The following CREB5 variants were observed in gnomAD, a reference collection of about 807,000 sequenced individuals.
CREB5 encodes cyclic AMP-responsive element-binding protein 5.
Under a neutral mutation model 57.1 loss-of-function variants are expected in CREB5, and 19 were observed. The observed-to-expected ratio is 0.33, with a 90% CI of 0.23 to 0.49. CREB5 has a LOEUF of 0.49. Ranked by LOEUF, CREB5 falls within the 20% of genes least tolerant of loss-of-function variation. The pLI, the probability that CREB5 is intolerant of heterozygous loss-of-function variation, is 0.99. For synonymous variants in CREB5, 238 were observed against 238.3 expected (o/e 1.00, Z 0.01); for missense variants, 579 against 671.6 (o/e 0.86, Z 1.52).
chr7:28,553,947 T>A (rs1794767499), intron 4 of CREB5, among the ~76,000 whole-genome samples: 1 of 152,162 alleles, frequency 6.6e-6, no homozygotes. Flanking sequence ...TTCCTTTCCC[T>A]TCACTCCAGT....
At chr7:28,657,835 G>A (rs928757755) in intron 5 of CREB5, among the ~76,000 whole-genome samples, 1 of 151,640 alleles carries the variant, frequency 6.6e-6, no homozygotes, top group African/African-American at 2.4e-5. Flanking sequence ...TTAGATATAT[G>A]TTGGCATGGC....
chr7:28,412,322 A>AT (rs11446167), upstream of CREB5, among the ~76,000 whole-genome samples: 6,477 of 151,086 alleles, frequency 0.043, 295 homozygotes, highest in African/African-American at 0.11. Flanking sequence ...CAGTAGCGAT[A>AT]TTTTTTTTTA....
At chr7:28,616,989 T>A (rs1336652793) in intron 5 of CREB5, among the ~76,000 whole-genome samples, 7 of 152,214 alleles carry the variant, frequency 4.6e-5, no homozygotes, top group Non-Finnish European at 2.9e-5. Context: ...ATTTTGGGGA[T>A]CACTTGGAGG....
At position 28,560,963 on chromosome 7, in the gene CREB5, T is replaced by TGCGC. The variant is rs1194418363; in HGVS notation, c.292-9401_292-9400insCGCG. 7.2e-3 allele frequency among the ~76,000 whole-genome samples: 347 copies of TGCGC among 48,102 alleles called. 49 individuals carry two copies. The highest frequency in any genetic ancestry group is 0.011 in the Non-Finnish European group (283 of 25,702). The allele number at this position is 48,102 out of a possible 152,430, so 31.6% of individuals were successfully genotyped here. On this transcript the variant is annotated intron_variant, in intron 4 of 10. Transcript: ENST00000357727. ...GTGCGTGTGTGTGCGTGTGTGTGCG[T>TGCGC]GTGTGTGTGCGTGTGTGCGTGCGTG...
At chr7:28,575,642 T>C (rs1004487315) in intron 5 of CREB5, among the ~76,000 whole-genome samples, 3 of 152,168 alleles carry the variant, frequency 2.0e-5, no homozygotes, top group African/African-American at 7.2e-5. Context: ...CCAGGACAAC[T>C]TGAAGCCCCT....
chr7:28,538,475 T>C (rs1376105202), intron 4 of CREB5, among the ~76,000 whole-genome samples: 1 of 152,248 alleles, frequency 6.6e-6, no homozygotes, highest in African/African-American at 2.4e-5. Context: ...TGATATAATA[T>C]ATGACTCTTC....
At chr7:28,532,054 A>G (rs1562778887) in intron 4 of CREB5, among the ~76,000 whole-genome samples, 1 of 152,190 alleles carries the variant, frequency 6.6e-6, no homozygotes, top group Non-Finnish European at 1.5e-5. Flanking sequence ...CTGAGGCTAA[A>G]ACTTTGTCAG....
chr7:28,407,619 G>C (rs1480443656), upstream of CREB5, among the ~76,000 whole-genome samples: 1 of 152,186 alleles, frequency 6.6e-6, no homozygotes, highest in Non-Finnish European at 1.5e-5. Flanking sequence ...GAAACCTTTT[G>C]CATGAAATTG....
chr7:28,324,630 A>AT (rs796375888), intron 1 of CREB5, among the ~76,000 whole-genome samples: 30 of 151,872 alleles, frequency 2.0e-4, no homozygotes, highest in African/African-American at 7.2e-4. Flanking sequence ...CCCAAGCAAT[A>AT]TTTTTTCCTG....
intron 4 of CREB5, among the ~76,000 whole-genome samples, chr7:28,536,796 C>T (rs1347874702): frequency 2.0e-5 from 3 of 152,114 alleles, no homozygotes; most frequent in Admixed American, 2.0e-4. Flanking sequence ...AATTCTCATA[C>T]AACCCTAAAA....
At chr7:28,638,298 C>CACACACACACACACACGA (rs1562541730) in intron 5 of CREB5, among the ~76,000 whole-genome samples, 2 of 149,666 alleles carry the variant, frequency 1.3e-5, no homozygotes, top group Admixed American at 6.7e-5. Flanking sequence ...CACACACGAA[C>CACACACACACACACACGA]ACACACACAC....
chr7:28,748,188 G>T (rs1291963721), intron 7 of CREB5, among the ~76,000 whole-genome samples: 2 of 152,162 alleles, frequency 1.3e-5, no homozygotes, highest in African/African-American at 4.8e-5. Flanking sequence ...GTAGTGTTTT[G>T]CTTTGTTTTC....
intron 4 of CREB5, among the ~76,000 whole-genome samples, chr7:28,550,996 C>T (rs1794616770): frequency 6.6e-6 from 1 of 152,126 alleles, no homozygotes; most frequent in African/African-American, 2.4e-5. Flanking sequence ...TAATTACTTT[C>T]TGAATACTTG....
At chr7:28,477,449 C>A (rs6946223) in intron 1 of CREB5, among the ~76,000 whole-genome samples, 1 of 152,270 alleles carries the variant, frequency 6.6e-6, no homozygotes, top group Non-Finnish European at 1.5e-5. Context: ...CACGTTCATG[C>A]GTAGGAAGGG....
intron 2 of CREB5, among the ~76,000 whole-genome samples, chr7:28,490,825 C>A (rs951019111): frequency 2.6e-5 from 4 of 152,236 alleles, no homozygotes; most frequent in African/African-American, 9.6e-5. Flanking sequence ...CTTTTCGATC[C>A]CTTGTCTTTG....
intron 5 of CREB5, chr7:28,686,001 C>A: frequency 1.3e-6 from 1 of 758,096 alleles, no homozygotes; most frequent in Non-Finnish European, 2.1e-6. Flanking sequence ...TGAGCGAGAG[C>A]CCAGCCGGAG....
At chr7:28,473,039 G>T (rs1375304361) in intron 1 of CREB5, among the ~76,000 whole-genome samples, 1 of 152,136 alleles carries the variant, frequency 6.6e-6, no homozygotes, top group African/African-American at 2.4e-5. Context: ...AATGTCACCT[G>T]TCCAGAGAGG....
chr7:28,468,194 G>A (rs1036835120), intron 1 of CREB5, among the ~76,000 whole-genome samples: 2 of 152,186 alleles, frequency 1.3e-5, no homozygotes, highest in South Asian at 2.1e-4. Flanking sequence ...TTCTGGGATG[G>A]AGTTTACATG....
intron 7 of CREB5, among the ~76,000 whole-genome samples, chr7:28,788,369 G>A (rs1000360396): frequency 3.3e-5 from 5 of 152,164 alleles, no homozygotes; most frequent in Admixed American, 1.3e-4. Flanking sequence ...TTAGGCCAGG[G>A]TTAACTACAT....
Sources: gnomAD v4.1 joint callset for allele counts (sites outside exome capture counted in the v4.1 genomes callset) on GRCh38, gnomAD v4.1.1 for gene constraint, MANE v1.5 for transcripts, NCBI Gene and HGNC (gene_info 2026-07-23, HGNC 2026-07-21) for gene names.